Variants in TMC1 observed in about 807,000 individuals in gnomAD.
TMC1 encodes the protein transmembrane channel-like protein 1.
TMC1 carries 84 observed loss-of-function variants against 105.8 expected under a neutral mutation model. The observed-to-expected ratio is 0.79, with a 90% confidence interval of 0.67 to 0.95. The LOEUF (loss-of-function observed/expected upper bound fraction) is 0.95. TMC1 is among the 40% of genes least tolerant of loss of function. TMC1 has a pLI of 0.00. For synonymous variants in TMC1, 315 were observed against 311.5 expected, an observed-to-expected ratio of 1.01 and a Z score of -0.12; for missense variants, 817 against 914.1, an observed-to-expected ratio of 0.89 and a Z score of 1.37.
At chr9:72,801,928 T>C (rs1271644201) in intron 17 of TMC1, among the ~76,000 whole-genome samples, 1 of 152,176 alleles carries the variant, frequency 6.6e-6, no homozygotes, top group Non-Finnish European at 1.5e-5. Context: ...TGGGAAGGAA[T>C]AGAATTTCAA....
At chr9:72,706,701 A>G (rs1461577756) in intron 8 of TMC1, among the ~76,000 whole-genome samples, 1 of 152,078 alleles carries the variant, frequency 6.6e-6, no homozygotes, top group Non-Finnish European at 1.5e-5. Flanking sequence ...GAATTACTTC[A>G]CTTAGAATAA....
At chr9:72,707,162 A>G (rs1335217676) in intron 8 of TMC1, among the ~76,000 whole-genome samples, 2 of 152,182 alleles carry the variant, frequency 1.3e-5, no homozygotes, top group Non-Finnish European at 2.9e-5. Flanking sequence ...TCATTGACTG[A>G]TGGACATTTG....
In TMC1 at chr9:72,838,230, T is replaced by A. The variant is rs1212090398; in HGVS notation, c.*2257T>A. On this transcript the variant is annotated 3_prime_UTR_variant, in exon 24 of 24. Transcript: ENST00000297784. ...AGAAATGGATTATCTGTTGATAGGC[T>A]GAGTTTATTGTTTAATTAGATTATA... 1.3e-5 allele frequency: 2 copies of A among 152,244 alleles called. No homozygotes were observed. The highest frequency in any genetic ancestry group is 2.9e-5 in the Non-Finnish European group (2 of 68,040). The allele number at this position is 152,244 out of a possible 1,614,324, so 9.4% of individuals were successfully genotyped here.
chr9:72,589,363 C>T (rs1239803714), intron 2 of TMC1, among the ~76,000 whole-genome samples: 1 of 152,138 alleles, frequency 6.6e-6, no homozygotes, highest in African/African-American at 2.4e-5. Flanking sequence ...TGGGTTTGTT[C>T]CGATTTAATT....
chr9:72,643,823 T>A (rs767151104), intron 4 of TMC1, among the ~76,000 whole-genome samples: 19 of 152,286 alleles, frequency 1.2e-4, no homozygotes, highest in Middle Eastern at 3.4e-3. Flanking sequence ...ATATGGTAGA[T>A]GTATGTTTAA....
At chr9:72,767,234 T>C (rs998983908) in intron 12 of TMC1, among the ~76,000 whole-genome samples, 2 of 152,216 alleles carry the variant, frequency 1.3e-5, no homozygotes, top group African/African-American at 4.8e-5. Context: ...AAAAATTATA[T>C]CTTCCTTTCC....
In TMC1 at chr9:72,645,107, A is replaced by G. The variant is rs540860237; in HGVS notation, c.-52-3490A>G. On this transcript the variant is annotated intron_variant, in intron 4 of 23. Coordinates refer to ENST00000297784, the MANE Select transcript of TMC1 (RefSeq NM_138691.3). ...AAGTCGAAGCCCACAGCAGCAGACC[A>G]TCCACATTAATTGATAGGAAAAAAA... Among the ~76,000 whole-genome samples, 8 of 152,324 alleles carry G rather than the reference A, an allele frequency of 5.3e-5. No individual in the cohort carries two copies. The East Asian group carries it at 1.5e-3, about 29-fold the overall frequency.
At chr9:72,763,355 CTG>C (rs1827785511) in intron 12 of TMC1, among the ~76,000 whole-genome samples, 1 of 152,076 alleles carries the variant, frequency 6.6e-6, no homozygotes, top group Non-Finnish European at 1.5e-5. Context: ...CCCAAGGTCT[CTG>C]TCCTCAGGAA....
chr9:72,655,720 C>T (rs1825873136), intron 5 of TMC1: 5 of 432,740 alleles, frequency 1.2e-5, no homozygotes, highest in South Asian at 2.3e-5. Context: ...CCAGCCCGGG[C>T]GACAGACCGA....
intron 8 of TMC1, among the ~76,000 whole-genome samples, chr9:72,716,545 C>G (rs1826923227): frequency 6.6e-6 from 1 of 152,126 alleles, no homozygotes; most frequent in Non-Finnish European, 1.5e-5. Flanking sequence ...AACTTCCTGG[C>G]AACTTTGTGT....
At chr9:72,566,019 G>A (rs1424113255) in intron 1 of TMC1, among the ~76,000 whole-genome samples, 1 of 152,056 alleles carries the variant, frequency 6.6e-6, no homozygotes, top group Non-Finnish European at 1.5e-5. Context: ...AGTGACTGAT[G>A]GACCATCTAT....
At chr9:72,815,564 T>C (rs565538751) in intron 18 of TMC1, among the ~76,000 whole-genome samples, 1 of 152,324 alleles carries the variant, frequency 6.6e-6, no homozygotes, top group East Asian at 1.9e-4. Flanking sequence ...CATAGTTTCA[T>C]ATAGTTGATT....
At chr9:72,529,640 C>T (rs1232567138) in intron 1 of TMC1, among the ~76,000 whole-genome samples, 1 of 151,108 alleles carries the variant, frequency 6.6e-6, no homozygotes, top group Non-Finnish European at 1.5e-5. Context: ...TGGAGCTATC[C>T]ACTCAAGTGT....
rs80034882 is a variant in TMC1, at chr9:72,794,232, C to T, written c.1566+1880C>T. 8.6e-3 allele frequency among the ~76,000 whole-genome samples: 1,305 copies of T among 152,242 alleles called. 15 individuals are homozygous for T. Among genetic ancestry groups the T allele is most frequent in the African/African-American group, 0.03 (1,242 of 41,520 alleles). ...ATAAGCAAAAGACCCTTGGCCATAA[C>T]CATGCCAAGGTATCTTCCTCTGCTG... On this transcript the variant is annotated intron_variant, in intron 17 of 23. Coordinates refer to ENST00000297784, the MANE Select transcript of TMC1 (RefSeq NM_138691.3).
At chr9:72,793,864 A>G (rs189244590) in intron 17 of TMC1, among the ~76,000 whole-genome samples, 225 of 152,288 alleles carry the variant, frequency 1.5e-3, no homozygotes, top group African/African-American at 5.2e-3. Flanking sequence ...ACCCTCTGCT[A>G]GAATTATCGA....
At chr9:72,571,888 G>A (rs1260897118) in intron 1 of TMC1, among the ~76,000 whole-genome samples, 1 of 151,534 alleles carries the variant, frequency 6.6e-6, no homozygotes, top group African/African-American at 2.4e-5. Flanking sequence ...TTAGGCTGGA[G>A]TGCAATGGCG....
intron 6 of TMC1, among the ~76,000 whole-genome samples, chr9:72,689,404 GT>G (rs1028188230): frequency 1.3e-5 from 2 of 152,090 alleles, no homozygotes; most frequent in Admixed American, 1.3e-4. Context: ...TGAGAAGAAT[GT>G]TTATTCTGTT....
intron 5 of TMC1, among the ~76,000 whole-genome samples, chr9:72,658,293 GT>G (rs1825913449): frequency 6.6e-6 from 1 of 151,222 alleles, no homozygotes; most frequent in Admixed American, 6.6e-5. Context: ...AATATATACT[GT>G]GTATTTTTTC....
intron 1 of TMC1, among the ~76,000 whole-genome samples, chr9:72,541,471 T>A (rs1823676059): frequency 2.6e-5 from 4 of 152,136 alleles, no homozygotes; most frequent in Non-Finnish European, 2.9e-5. Flanking sequence ...GCCGATCACC[T>A]GAGGTCAGGA....
Sources: allele counts gnomAD v4.1 joint callset (sites outside exome capture counted in the v4.1 genomes callset), GRCh38; gene constraint gnomAD v4.1.1; transcripts MANE v1.5; gene names NCBI Gene and HGNC (gene_info 2026-07-23, HGNC 2026-07-21).